The following TEF variants were observed in gnomAD, a reference collection of about 807,000 sequenced individuals.
TEF encodes the protein thyrotroph embryonic factor.
In TEF, 3 loss-of-function variants were observed where a neutral mutation model predicts 20.8. The ratio of observed to expected loss-of-function variants is 0.14; its 90% CI spans 0.07 to 0.37. TEF has a LOEUF of 0.37. TEF is among the 10% of genes least tolerant of loss of function. The probability of loss-of-function intolerance (pLI) is 1.00; values close to 1 mark genes in which losing one functional copy is unlikely to be tolerated. For missense variants in TEF, 296 were observed against 397.9 expected (o/e 0.74, Z 2.18); for synonymous variants, 180 against 171.1 (o/e 1.05, Z -0.41).
At chr22:41,369,983 C>A (rs767184366) in intron 1 of TEF, 235 of 985,310 alleles carry the variant, frequency 2.4e-4, no homozygotes, top group Non-Finnish European at 2.8e-4. Flanking sequence ...AGGTCATGTG[C>A]AGAGCGTATC....
chr22:41,394,087 G>A lies in TEF; in HGVS notation c.476-9G>A. The A allele has an allele frequency of 6.2e-7, 1 of 1,613,464 alleles. No homozygotes were observed. The highest frequency in any genetic ancestry group is 8.5e-7 in the Non-Finnish European group (1 of 1,179,638). On this transcript the variant is annotated splice_polypyrimidine_tract_variant and intron_variant, in intron 2 of 3. Coordinates refer to ENST00000266304, the MANE Select transcript of TEF (RefSeq NM_003216.4). ...CTGCTTCGGGACCACCTGTCTCTGT[G>A]TCTTTTAGAATCTTCCCTGGAGAAG...
intron 1 of TEF, among the ~76,000 whole-genome samples, chr22:41,383,673 A>G (rs1040901045): frequency 2.0e-5 from 3 of 152,210 alleles, no homozygotes; most frequent in Non-Finnish European, 2.9e-5. Flanking sequence ...GACCTGAGTG[A>G]TGGACTAGTC....
rs1020398444 is a variant in TEF at position 41,369,923 on chromosome 22, C to T, written c.67+2324C>T. ...CTTTGGATGACTGTTTACAAACTCCCCATTTTCTCTTCTTTCTCCTGCCCA... is the reference window on the plus strand; with the variant it reads ...CTTTGGATGACTGTTTACAAACTCCTCATTTTCTCTTCTTTCTCCTGCCCA... On this transcript the variant is annotated intron_variant, in intron 1 of 3. Transcript: ENST00000406644. The T allele has an allele frequency of 1.0e-5, 10 of 985,252 alleles. 1 individual carries two copies. The South Asian group carries it at 2.8e-4, about 28-fold the overall frequency. 61.0% of individuals were successfully genotyped at this position (985,252 alleles called of 1,614,324 possible). A position where few individuals can be genotyped will look rare whatever the true frequency, so the allele number is the denominator to read the frequency against.
intron 1 of TEF, among the ~76,000 whole-genome samples, chr22:41,368,213 T>A (rs988514608): frequency 4.6e-5 from 7 of 152,146 alleles, no homozygotes; most frequent in African/African-American, 1.7e-4. Flanking sequence ...TCCCAAGTCC[T>A]GCCTGGGAAC....
upstream of TEF, among the ~76,000 whole-genome samples, chr22:41,381,593 G>A (rs1404264455): frequency 2.0e-5 from 3 of 152,244 alleles, no homozygotes; most frequent in Admixed American, 6.5e-5. Context: ...TGGTTGGGGA[G>A]GGCGGGGGTT....
chr22:41,391,736 C>T (rs1163301950), intron 2 of TEF, among the ~76,000 whole-genome samples: 1 of 151,954 alleles, frequency 6.6e-6, no homozygotes, highest in Non-Finnish European at 1.5e-5. Flanking sequence ...AATTCTCCTG[C>T]CTCAGTCTCC....
chr22:41,372,263 G>GC (rs1293640204), intron 1 of TEF, among the ~76,000 whole-genome samples: 3 of 151,620 alleles, frequency 2.0e-5, no homozygotes, highest in Admixed American at 6.6e-5. Context: ...TTCTCTACCT[G>GC]CCCCCCACCC....
intron 2 of TEF, among the ~76,000 whole-genome samples, chr22:41,390,197 A>G (rs1380955760): frequency 2.0e-5 from 3 of 152,058 alleles, no homozygotes; most frequent in Admixed American, 6.6e-5. Flanking sequence ...GCCCATCTAC[A>G]TGTTTTTTGG....
upstream of TEF, among the ~76,000 whole-genome samples, chr22:41,380,899 G>A (rs1434438808): frequency 6.6e-6 from 1 of 152,218 alleles, no homozygotes; most frequent in Non-Finnish European, 1.5e-5. Context: ...GTTCTAGAAA[G>A]GAAAAGAATT....
chr22:41,389,731 G>A (rs73176692), intron 2 of TEF, among the ~76,000 whole-genome samples: 29,561 of 151,692 alleles, frequency 0.19, 4,011 homozygotes, highest in Admixed American at 0.39. Context: ...TGGGCCTCCC[G>A]AAGTGTTGGT....
In TEF at chr22:41,399,009, A is replaced by G. The variant is rs2145997214; in HGVS notation, c.*3049A>G. ...ACTTCCAGGTGGATATTGCTCTCTTACGGTGTTGGGGATGCCAGAACACCA... is the reference window on the plus strand; with the variant it reads ...ACTTCCAGGTGGATATTGCTCTCTTGCGGTGTTGGGGATGCCAGAACACCA... On this transcript the variant is annotated 3_prime_UTR_variant, in exon 4 of 4. Coordinates refer to ENST00000266304, the MANE Select transcript of TEF (RefSeq NM_003216.4). The G allele has an allele frequency of 6.5e-6, 1 of 152,834 alleles. No individual in the cohort carries two copies. The highest frequency in any genetic ancestry group is 1.9e-4 in the East Asian group (1 of 5,194). The allele number at this position is 152,834 out of a possible 1,614,324, so 9.5% of individuals were successfully genotyped here.
At position 41,387,367 on chromosome 22, in the gene TEF, G is replaced by GGTTT. The variant is rs1404887606; in HGVS notation, c.175_176insTTTG (p.Glu59ValfsTer2). ...TTTCTGCAGATAAGGAAAAGGGGAAGGAAAAGCTGGAGGAGGACGAGGCCG... is the reference window on the plus strand; with the variant it reads ...TTTCTGCAGATAAGGAAAAGGGGAAGGTTTGAAAAGCTGGAGGAGGACGAGGCCG... On this transcript the variant is annotated frameshift_variant, in exon 2 of 4. Transcript: ENST00000266304. LOFTEE classifies it high-confidence loss of function. 1 of 1,614,220 alleles carries GGTTT rather than the reference G, an allele frequency of 6.2e-7. No individual in the cohort carries two copies. The highest frequency in any genetic ancestry group is 1.7e-5 in the Admixed American group (1 of 60,018).
At chr22:41,386,708 A>G (rs2037101941) in intron 1 of TEF, among the ~76,000 whole-genome samples, 1 of 152,146 alleles carries the variant, frequency 6.6e-6, no homozygotes. Context: ...GCGCCATTGT[A>G]AGCCAGCCGA....
chr22:41,389,023 A>G (rs1237214272), intron 2 of TEF, among the ~76,000 whole-genome samples: 2 of 152,184 alleles, frequency 1.3e-5, no homozygotes, highest in Non-Finnish European at 2.9e-5. Context: ...TTCTTTTAAA[A>G]AAAACATAAC....
intron 3 of TEF, 67 bp downstream of exon 3, chr22:41,394,383 C>T (rs2037203104): frequency 6.9e-6 from 10 of 1,446,892 alleles, no homozygotes; most frequent in Middle Eastern, 1.8e-4. Flanking sequence ...TATGGCTCCT[C>T]GCATTTGATT....
upstream of TEF, among the ~76,000 whole-genome samples, chr22:41,376,965 T>C (rs2036949637): frequency 6.6e-6 from 1 of 152,150 alleles, no homozygotes; most frequent in African/African-American, 2.4e-5. Context: ...CCAGGACCCA[T>C]GCTTCCCTAA....
Position 41,389,350 on chromosome 22 carries a change from G to A in TEF, c.475+1682G>A, listed in dbSNP as rs531017768. Among the ~76,000 whole-genome samples the A allele has an allele frequency of 6.4e-4, 97 of 152,198 alleles. 1 individual carries two copies. The highest frequency in any genetic ancestry group is 1.7e-3 in the African/African-American group (71 of 41,534). ...CAGGAGGCAGAGCTTGCAGTGAACC[G>A]AGATTGCACCACTGCACTCCAGCCT... On this transcript the variant is annotated intron_variant, in intron 2 of 3. Coordinates refer to ENST00000266304, the MANE Select transcript of TEF (RefSeq NM_003216.4).
chr22:41,398,886 C>G lies in TEF; in HGVS notation c.*2926C>G, dbSNP rs1009395051. Reference sequence around the variant, plus strand: ...CCGTGCTCCTTGGAACGCAAAGGGCCGAGGAGCATCTGGTTTTCATGGCAA... The same window carrying G: ...CCGTGCTCCTTGGAACGCAAAGGGCGGAGGAGCATCTGGTTTTCATGGCAA... On this transcript the variant is annotated 3_prime_UTR_variant, in exon 4 of 4. Transcript: ENST00000266304. 6.6e-6 allele frequency: 1 copy of G among 152,598 alleles called. No individual in the cohort carries two copies. Among genetic ancestry groups the G allele is most frequent in the Admixed American group, 6.5e-5 (1 of 15,268 alleles). 9.5% of individuals were successfully genotyped at this position (152,598 alleles called of 1,614,324 possible). A position where few individuals can be genotyped will look rare whatever the true frequency, so the allele number is the denominator to read the frequency against.
At chr22:41,380,810 G>A (rs1569253847), upstream of TEF, among the ~76,000 whole-genome samples, 3 of 152,234 alleles carry the variant, frequency 2.0e-5, no homozygotes, top group Non-Finnish European at 4.4e-5. Context: ...TTTTAAGAGA[G>A]GAGGTGGTTC....
Sources: allele counts gnomAD v4.1 joint callset (sites outside exome capture counted in the v4.1 genomes callset), GRCh38; gene constraint gnomAD v4.1.1; transcripts MANE v1.5; gene names NCBI Gene and HGNC (gene_info 2026-07-23, HGNC 2026-07-21).